The following CRB1 variants were observed in gnomAD, a reference collection of about 807,000 sequenced individuals.
CRB1 encodes the protein crumbs cell polarity complex component 1.
A neutral mutation model predicts 120.0 loss-of-function variants in CRB1; 83 were observed. The ratio of observed to expected loss-of-function variants is 0.69; its 90% CI spans 0.58 to 0.83. The LOEUF (loss-of-function observed/expected upper bound fraction) is 0.83, where lower values mean the gene tolerates loss of function less well. CRB1 is among the 40% of genes least tolerant of loss of function. The probability of loss-of-function intolerance (pLI) is 0.00; values close to 1 mark genes in which losing one functional copy is unlikely to be tolerated. For synonymous variants in CRB1, 625 were observed against 612.5 expected, an observed-to-expected ratio of 1.02 and a Z score of -0.30; for missense variants, 1,699 against 1,687.6, an observed-to-expected ratio of 1.01 and a Z score of -0.12.
At chr1:197,331,185 C>T (rs767127762) in intron 2 of CRB1, among the ~76,000 whole-genome samples, 21 of 152,090 alleles carry the variant, frequency 1.4e-4, no homozygotes, top group Non-Finnish European at 2.6e-4. Context: ...CCCTCTTCCT[C>T]CAAGAGCCTG....
At position 197,427,940 on chromosome 1, in the gene CRB1, C is replaced by T. The variant is rs779549138; in HGVS notation, c.2615C>T (p.Ala872Val). Residue 872 changes from alanine to valine, a missense_variant, in exon 7 of 12, where the codon GCA (alanine) becomes GTA (valine). Physicochemically the swap from Ala to Val is moderately conservative, Grantham distance 64. Transcript: ENST00000367400. ...LEFFPNPTNN[A>V]SLNPVLVNVT... The stretch of plus-strand genomic sequence containing the variant: ...TTCTTTCCAAATCCAACAAACAATG[C>T]ATCTCTCAATCCAGTTCTTGTCAAT... 2 of 1,613,984 alleles carry T rather than the reference C, an allele frequency of 1.2e-6. No individual in the cohort carries two copies. Among genetic ancestry groups the T allele is most frequent in the South Asian group, 2.2e-5 (2 of 91,074 alleles).
At chr1:197,405,248 T>G (rs12381007) in intron 5 of CRB1, among the ~76,000 whole-genome samples, 1 of 152,082 alleles carries the variant, frequency 6.6e-6, no homozygotes, top group African/African-American at 2.4e-5. Context: ...ACTGGTTTTC[T>G]TATTTTTTTG....
the CRB1 span, among the ~76,000 whole-genome samples, chr1:197,207,279 C>CT: frequency 6.7e-3 from 964 of 143,356 alleles, 13 homozygotes; most frequent in African/African-American, 0.023. Context: ...AATACCTTGC[C>CT]TTTTTTTTTT....
At chr1:197,460,176 A>G in intron 11 of CRB1, among the ~76,000 whole-genome samples, 1 of 151,856 alleles carries the variant, frequency 6.6e-6, no homozygotes, top group Non-Finnish European at 1.5e-5. Context: ...TTTCACTAAA[A>G]ATTGAGCAAA....
intron 5 of CRB1, among the ~76,000 whole-genome samples, chr1:197,407,763 T>G (rs533007330): frequency 7.4e-4 from 112 of 152,312 alleles, no homozygotes; most frequent in African/African-American, 2.6e-3. Flanking sequence ...GAGTCAATAC[T>G]ATAAATTCTT....
upstream of CRB1, among the ~76,000 whole-genome samples, chr1:197,266,086 A>G (rs779030127): frequency 2.2e-4 from 34 of 152,168 alleles, no homozygotes; most frequent in Admixed American, 2.6e-4. Context: ...GATTTGCCCA[A>G]CTGCTTTAGG....
chr1:197,476,759 TA>T (rs1314470401), intron 11 of CRB1, among the ~76,000 whole-genome samples: 3 of 152,152 alleles, frequency 2.0e-5, no homozygotes, highest in Non-Finnish European at 4.4e-5. Context: ...TAGAGAAAGC[TA>T]AATAAGAAGG....
intron 3 of CRB1, among the ~76,000 whole-genome samples, chr1:197,345,502 C>CTTTTTT (rs972072957): frequency 5.3e-4 from 48 of 90,590 alleles, no homozygotes; most frequent in East Asian, 6.2e-4. Flanking sequence ...AAAATAATGA[C>CTTTTTT]TTTTTTTTTT....
At chr1:197,214,828 T>A in the CRB1 span, among the ~76,000 whole-genome samples, 1 of 151,666 alleles carries the variant, frequency 6.6e-6, no homozygotes, top group Non-Finnish European at 1.5e-5. Flanking sequence ...ACTCTTTTCA[T>A]GAGCCCAGCA....
chr1:197,417,139 G>C (rs943872497), intron 5 of CRB1, among the ~76,000 whole-genome samples: 6 of 152,178 alleles, frequency 3.9e-5, no homozygotes, highest in Admixed American at 6.5e-5. Context: ...TCAAATTGAG[G>C]GCTGGATGCC....
At chr1:197,230,508 ACAACT>A in the CRB1 span, among the ~76,000 whole-genome samples, 1 of 152,160 alleles carries the variant, frequency 6.6e-6, no homozygotes, top group East Asian at 1.9e-4. Context: ...GATGGATATG[ACAACT>A]CAAGTTTAGA....
At chr1:197,379,597 G>T (rs1339004330) in intron 5 of CRB1, among the ~76,000 whole-genome samples, 1 of 106,028 alleles carries the variant, frequency 9.4e-6, no homozygotes, top group Non-Finnish European at 1.7e-5. Flanking sequence ...ACCAAGCCCG[G>T]CCCCGGCCAA....
At chr1:197,307,415 A>G (rs1657237329) in intron 1 of CRB1, among the ~76,000 whole-genome samples, 1 of 152,200 alleles carries the variant, frequency 6.6e-6, no homozygotes, top group Admixed American at 6.5e-5. Flanking sequence ...AATGTTTGCC[A>G]AACAGCATGC....
At chr1:197,300,132 C>A (rs1420595709) in intron 1 of CRB1, among the ~76,000 whole-genome samples, 1 of 151,726 alleles carries the variant, frequency 6.6e-6, no homozygotes, top group Non-Finnish European at 1.5e-5. Context: ...CCTCCATATT[C>A]CCTGAGACTA....
chr1:197,429,142 A>C (rs1664747522), intron 7 of CRB1: 1 of 1,532,504 alleles, frequency 6.5e-7, no homozygotes, highest in South Asian at 1.2e-5. Context: ...TAATTAGTGC[A>C]TGTGAAAAAG....
At chr1:197,398,743 G>C (rs372397166) in intron 5 of CRB1, among the ~76,000 whole-genome samples, 1 of 152,050 alleles carries the variant, frequency 6.6e-6, no homozygotes, top group Non-Finnish European at 1.5e-5. Context: ...AATCCTATCA[G>C]GAAGATATTT....
At position 197,347,356 on chromosome 1, in the gene CRB1, A is replaced by G. The variant is rs1404713926; in HGVS notation, c.865A>G (p.Thr289Ala). The change falls in exon 4 of 12, where the codon ACG (threonine) becomes GCG (alanine). Residue 289 changes from threonine (T) to alanine (A), a missense_variant. Transcript: ENST00000367400. ...ACTTTCCAGATATAGCTGTAACTGC[A>G]CGGGTAGTGGATTCACAGGGACACA... ...DGENRYSCNC[T>A]GSGFTGTHCE... 2 of 1,613,844 alleles carry G rather than the reference A, an allele frequency of 1.2e-6. No homozygotes were observed. Among genetic ancestry groups the G allele is most frequent in the African/African-American group, 2.7e-5 (2 of 74,908 alleles).
chr1:197,270,353 T>C (rs1654840445), intron 1 of CRB1, among the ~76,000 whole-genome samples: 1 of 152,162 alleles, frequency 6.6e-6, no homozygotes, highest in African/African-American at 2.4e-5. Flanking sequence ...ACCTCAAACT[T>C]TGAGGCACCT....
chr1:197,298,495 G>A (rs566877388), intron 1 of CRB1, among the ~76,000 whole-genome samples: 5 of 152,172 alleles, frequency 3.3e-5, no homozygotes, highest in African/African-American at 9.6e-5. Context: ...CACAAATTTT[G>A]GAGGTTAATA....
Sources: allele counts gnomAD v4.1 joint callset (sites outside exome capture counted in the v4.1 genomes callset), GRCh38; gene constraint gnomAD v4.1.1; transcripts MANE v1.5; gene names NCBI Gene and HGNC (gene_info 2026-07-23, HGNC 2026-07-21).